The following SNRPA1 variants were observed in gnomAD, a reference collection of about 807,000 sequenced individuals.
SNRPA1 encodes small nuclear ribonucleoprotein polypeptide A'.
SNRPA1 carries 5 observed loss-of-function variants against 32.3 expected under a neutral mutation model. That is an observed-to-expected ratio of 0.15 (90% CI 0.08 to 0.33). The LOEUF is 0.33. Among genes scored for constraint, SNRPA1 ranks in the 10% least tolerant of loss-of-function variants. The pLI is 1.00. For missense variants in SNRPA1, 198 were observed against 311.1 expected (o/e 0.64, Z 2.74); for synonymous variants, 111 against 120.1 (o/e 0.92, Z 0.50).
chr15:101,293,257 C>T (rs928364212), intron 1 of SNRPA1, 85 bp from the exon 2 acceptor site: 3 of 907,704 alleles, frequency 3.3e-6, no homozygotes, highest in Non-Finnish European at 4.9e-6. Flanking sequence ...TTCATAGTAT[C>T]TGACTCCAGG....
At position 101,287,549 on chromosome 15, in the gene SNRPA1, G is replaced by A. The variant is rs915834430; in HGVS notation, c.356+107C>T. On this transcript the variant is annotated intron_variant, in intron 4 of 8. Transcript: ENST00000254193. The stretch of plus-strand genomic sequence containing the variant: ...TTATGGCTGCATAGTATTCCATGGT[G>A]CATATGTGCCACATTTTTTAATTAT... 3.8e-5 allele frequency: 33 copies of A among 867,990 alleles called. 1 individual carries two copies. Among genetic ancestry groups the A allele is most frequent in the Non-Finnish European group, 5.8e-6 (3 of 518,574 alleles). 53.8% of individuals were successfully genotyped at this position (867,990 alleles called of 1,614,324 possible). A position where few individuals can be genotyped will look rare whatever the true frequency, so the allele number is the denominator to read the frequency against.
intron 6 of SNRPA1, 79 bp from the exon 7 acceptor site, chr15:101,285,880 A>G (rs538289553): frequency 9.1e-7 from 1 of 1,101,340 alleles, no homozygotes; most frequent in African/African-American, 1.5e-5. Flanking sequence ...AGCTTTTGAA[A>G]GTAATTCAAC....
At chr15:101,285,129 G>C (rs1419621060) in intron 7 of SNRPA1, 69 bp from the exon 8 acceptor site, 2 of 1,078,852 alleles carry the variant, frequency 1.9e-6, no homozygotes, top group Admixed American at 3.4e-5. Flanking sequence ...AGAAAACTAA[G>C]TGTCAATCAC....
Position 101,286,310 on chromosome 15 carries a change from C to T in SNRPA1, c.460-17G>A. ...CTGACGCTCCTACAGCGACACCACA[C>T]ACAGAGTTAATGGAAATAGGAATAC... On this transcript the variant is annotated splice_polypyrimidine_tract_variant and intron_variant, in intron 5 of 8. Coordinates refer to ENST00000254193, the MANE Select transcript of SNRPA1 (RefSeq NM_003090.4). 1 of 1,611,894 alleles carries T rather than the reference C, an allele frequency of 6.2e-7. No homozygotes were observed. The highest frequency in any genetic ancestry group is 2.2e-5 in the East Asian group (1 of 44,870).
intron 1 of SNRPA1, chr15:101,294,805 G>C (rs971873097): frequency 2.7e-6 from 1 of 370,184 alleles, no homozygotes; most frequent in Non-Finnish European, 4.8e-6. Context: ...AGCCAGCGGC[G>C]AAACAGCCAA....
intron 8 of SNRPA1, among the ~76,000 whole-genome samples, chr15:101,284,067 G>A (rs374581358): frequency 2.0e-5 from 3 of 152,348 alleles, no homozygotes; most frequent in South Asian, 4.1e-4. Context: ...CTTGTAAGAC[G>A]TATTTCAGTA....
intron 3 of SNRPA1, chr15:101,287,962 A>C: frequency 2.4e-6 from 1 of 416,630 alleles, no homozygotes; most frequent in Non-Finnish European, 4.4e-6. Flanking sequence ...CAGGAATCTC[A>C]AAGTGGCTGC....
chr15:101,286,669 TG>T (rs2039458643), intron 5 of SNRPA1: 7 of 485,830 alleles, frequency 1.4e-5, no homozygotes, highest in Non-Finnish European at 2.2e-5. Flanking sequence ...CTGCTCACCG[TG>T]GCCTCAGCAC....
rs1002602341 is a variant in SNRPA1 at position 101,285,793 on chromosome 15, G to A, written c.548C>T (p.Pro183Leu). ...TTTGTCAGTTGGCAAACCAGCACCT[G>A]GATTAAAACTTAAGAGGGGGAAGAA... ...DIARRSKTFN[P>L]GAGLPTDKKK... Residue 183 changes from proline (P) to leucine (L), a missense_variant, in exon 7 of 9, where the codon CCA becomes CTA. Physicochemically the swap from Pro to Leu is moderately conservative, Grantham distance 98. Around this residue, in one of 3 missense-constraint regions of SNRPA1, gnomAD observed 77 missense variants for 120.1 expected, o/e 0.64. Coordinates refer to ENST00000254193, the MANE Select transcript of SNRPA1 (RefSeq NM_003090.4). 1.2e-6 allele frequency: 2 copies of A among 1,612,922 alleles called. No homozygotes were observed. The highest frequency in any genetic ancestry group is 8.5e-7 in the Non-Finnish European group (1 of 1,179,392).
At chr15:101,284,506 CCTT>C (rs1294081536) in intron 8 of SNRPA1, among the ~76,000 whole-genome samples, 1 of 112,252 alleles carries the variant, frequency 8.9e-6, no homozygotes, top group East Asian at 2.0e-4. Flanking sequence ...TCATGAAATA[CCTT>C]TTTTTTTTTT....
intron 2 of SNRPA1, 82 bp downstream of exon 2, chr15:101,292,943 G>T: frequency 1.2e-6 from 1 of 838,404 alleles, no homozygotes; most frequent in Non-Finnish European, 1.8e-6. Flanking sequence ...GGTTTAACCA[G>T]TAGCACGTGC....
chr15:101,281,860 G>A, intron 8 of SNRPA1, 78 bp from the exon 9 acceptor site: 2 of 1,383,692 alleles, frequency 1.4e-6, no homozygotes, highest in Non-Finnish European at 1.0e-6. Flanking sequence ...TTTGTTCTGT[G>A]GCCACTGTTT....
intron 3 of SNRPA1, among the ~76,000 whole-genome samples, chr15:101,291,079 C>G (rs2039521454): frequency 6.6e-6 from 1 of 151,950 alleles, no homozygotes; most frequent in Non-Finnish European, 1.5e-5. Context: ...CAAGGTCTCA[C>G]TATGTTGCCC....
At chr15:101,286,693 G>A (rs1024501914) in intron 5 of SNRPA1, 10 of 496,184 alleles carry the variant, frequency 2.0e-5, no homozygotes, top group Non-Finnish European at 3.6e-5. Flanking sequence ...TGCGAACTTC[G>A]GAATAGCCAG....
At chr15:101,282,075 CAT>C (rs1299839934) in intron 8 of SNRPA1, among the ~76,000 whole-genome samples, 2 of 152,240 alleles carry the variant, frequency 1.3e-5, no homozygotes, top group Non-Finnish European at 2.9e-5. Context: ...AGCCTATACT[CAT>C]GTGCTTTTCA....
At chr15:101,284,675 T>C (rs1821480645) in intron 8 of SNRPA1, 1 of 238,312 alleles carries the variant, frequency 4.2e-6, no homozygotes, top group African/African-American at 2.2e-5. Flanking sequence ...GCTAATTTTG[T>C]ATTTTTAGTA....
intron 8 of SNRPA1, 33 bp downstream of exon 8, chr15:101,284,930 CATTA>C (rs2039438314): frequency 6.7e-7 from 1 of 1,488,816 alleles, no homozygotes; most frequent in Admixed American, 1.7e-5. Flanking sequence ...CTGAGTGTAA[CATTA>C]ATTTGAACAT....
chr15:101,293,281 AG>A (rs2039548042), intron 1 of SNRPA1, 109 bp from the exon 2 acceptor site: 2 of 747,576 alleles, frequency 2.7e-6, no homozygotes, highest in Non-Finnish European at 4.2e-6. Flanking sequence ...TGATTTATTC[AG>A]GAAGTATTAC....
Position 101,293,158 on chromosome 15 carries a change from C to A in SNRPA1, c.97G>T (p.Val33Phe). The change falls in exon 2 of 9, where the codon GTC becomes TTC. Residue 33 changes from valine (V) to phenylalanine (F), a missense_variant. By Grantham distance (50) the Val-to-Phe change is conservative. Transcript: ENST00000254193. ...AACGTAGCACCTAGATTTTCAATGA[C>A]GGGAATTTTATACCCTATAAAATGG... is the stretch of plus-strand genomic sequence containing the variant. ...ELDLRGYKIP[V>F]IENLGATLDQ... The A allele has an allele frequency of 1.2e-6, 2 of 1,607,082 alleles. No homozygotes were observed. Among genetic ancestry groups the A allele is most frequent in the South Asian group, 1.1e-5 (1 of 89,736 alleles).
Sources: gnomAD v4.1 joint callset for allele counts (sites outside exome capture counted in the v4.1 genomes callset) on GRCh38, gnomAD v4.1.1 for gene constraint, gnomAD v4.1.1 regional missense constraint, MANE v1.5 for transcripts, NCBI Gene and HGNC (gene_info 2026-07-23, HGNC 2026-07-21) for gene names.